The following EMX2 variants were observed in gnomAD, a reference collection of about 807,000 sequenced individuals.
The protein encoded by EMX2 is homeobox protein EMX2.
A neutral mutation model predicts 23.0 loss-of-function variants in EMX2; 6 were observed. That is an observed-to-expected ratio of 0.26 (90% confidence interval 0.14 to 0.52). The LOEUF (loss-of-function observed/expected upper bound fraction) is 0.52. Ranked by LOEUF, EMX2 falls within the 20% of genes least tolerant of loss-of-function variation. The pLI is 0.97. For missense variants in EMX2, 302 were observed against 341.4 expected (o/e 0.88, Z 0.91); for synonymous variants, 175 against 153.3 (o/e 1.14, Z -1.04).
Position 117,543,235 on chromosome 10 carries a change from T to C in EMX2, c.-33T>C, listed in dbSNP as rs1329575905. ...GCAGCGTGCGGCGGTCGCCAGGAGC[T>C]GGGAGCCCAGGGCGCCCGCTCCTCG... On this transcript the variant is annotated 5_prime_UTR_variant, in exon 1 of 3. Transcript: ENST00000553456. 2 of 1,312,590 alleles carry C rather than the reference T, an allele frequency of 1.5e-6. No homozygotes were observed. Among genetic ancestry groups the C allele is most frequent in the Non-Finnish European group, 2.0e-6 (2 of 1,005,066 alleles). The allele number at this position is 1,312,590 out of a possible 1,614,324, so 81.3% of individuals were successfully genotyped here.
intron 1 of EMX2, chr10:117,544,203 A>G (rs442996): frequency 0.029 from 5,265 of 178,856 alleles, 293 homozygotes; most frequent in African/African-American, 0.12. Context: ...CCCCGGGAGA[A>G]AAGTATGGGA....
rs1269974080 is a variant in EMX2 at position 117,543,681 on chromosome 10, C to T, written c.406+8C>T. On this transcript the variant is annotated splice_region_variant and intron_variant, in intron 1 of 2. Transcript: ENST00000553456. ...TGGGTCATCGCTTCCAAGGTACGTG[C>T]CACGTCGCGGAACTGCAGCGCGCCG... The T allele has an allele frequency of 6.2e-7, 1 of 1,613,344 alleles. No homozygotes were observed. The highest frequency in any genetic ancestry group is 1.1e-5 in the South Asian group (1 of 91,090).
chr10:117,547,057 A>G (rs1693582653), intron 2 of EMX2, among the ~76,000 whole-genome samples: 1 of 152,182 alleles, frequency 6.6e-6, no homozygotes, highest in African/African-American at 2.4e-5. Flanking sequence ...TTACCTGTAC[A>G]CCACTGCTGT....
At chr10:117,546,039 G>A (rs960911823) in intron 2 of EMX2, among the ~76,000 whole-genome samples, 2 of 152,234 alleles carry the variant, frequency 1.3e-5, no homozygotes, top group East Asian at 3.9e-4. Context: ...CTGGGGAAAC[G>A]CGCCGAGTTG....
In EMX2 at chr10:117,543,346, T is replaced by G. The variant is rs1846521921; in HGVS notation, c.79T>G (p.Ser27Ala). The G allele has an allele frequency of 6.4e-7, 1 of 1,559,722 alleles. No individual in the cohort carries two copies. The highest frequency in any genetic ancestry group is 1.4e-5 in the African/African-American group (1 of 73,332). The change falls in exon 1 of 3, where the codon TCC becomes GCC. Residue 27 changes from serine (S) to alanine (A), a missense_variant. Physicochemically the swap from Ser to Ala is moderately conservative, Grantham distance 99 (BLOSUM62 1). Coordinates refer to ENST00000553456, the MANE Select transcript of EMX2 (RefSeq NM_004098.4). Reference sequence around the variant, plus strand: ...GGACAGTCCCCTGCCCGCCTCGCGCTCCGAGGACCCCATCCGTCCCGCGGC... The same window carrying G: ...GGACAGTCCCCTGCCCGCCTCGCGCGCCGAGGACCCCATCCGTCCCGCGGC... ...AKDSPLPASR[S>A]EDPIRPAALS...
intron 1 of EMX2, among the ~76,000 whole-genome samples, chr10:117,544,061 G>C (rs1046711021): frequency 2.6e-5 from 4 of 152,238 alleles, no homozygotes; most frequent in Admixed American, 1.3e-4. Context: ...CGAGGGGCGC[G>C]GACAGGACTC....
rs755441779 is a variant in EMX2, at chr10:117,545,663, G to A, written c.438G>A (p.Leu146=). Residue 146 remains leucine, a synonymous_variant, in exon 2 of 3, where the codon TTG becomes TTA. Coordinates refer to ENST00000553456, the MANE Select transcript of EMX2 (RefSeq NM_004098.4). ...GNDTSPESFL[L]HNALARKPKR... is the part of the protein sequence containing the mutation. ...ACACTAGCCCCGAGAGTTTCCTTTT[G>A]CACAACGCGCTGGCCCGAAAGCCCA... 19 of 1,614,118 alleles carry A rather than the reference G, an allele frequency of 1.2e-5. No homozygotes were observed. The highest frequency in any genetic ancestry group is 1.6e-5 in the Non-Finnish European group (19 of 1,180,036).
In EMX2 at chr10:117,548,156, C is replaced by A; in HGVS notation, c.683C>A (p.Thr228Lys). 1.2e-6 allele frequency: 2 copies of A among 1,613,846 alleles called. No individual in the cohort carries two copies. Among genetic ancestry groups the A allele is most frequent in the Non-Finnish European group, 1.7e-6 (2 of 1,179,956 alleles). ...GATTCGCAACAAAAGAAAAAAGGGA[C>A]GCACCATATTAACCGGTGGAGAATC... is the stretch of plus-strand genomic sequence containing the variant. ...GSDSQQKKKG[T>K]HHINRWRIAT... The change falls in exon 3 of 3, where the codon ACG (threonine) becomes AAG (lysine). Residue 228 changes from threonine (T) to lysine (K), a missense_variant. Thr to Lys is a moderately conservative substitution (Grantham distance 78). Transcript: ENST00000553456.
intron 2 of EMX2, 43 bp from the exon 3 acceptor site, chr10:117,548,022 G>C: frequency 1.3e-6 from 2 of 1,578,638 alleles, no homozygotes; most frequent in Non-Finnish European, 1.7e-6. Context: ...ATAGAAGGGT[G>C]CTCTGAAAGA....
Position 117,543,607 on chromosome 10 carries a change from C to A in EMX2, c.340C>A (p.Arg114=), listed in dbSNP as rs759466646. ...ACACCCCCTATTCGCCTCGCAGCAG[C>A]GGGATCCGTCCACCTTCTACCCCTG... ...SPHPLFASQQ[R]DPSTFYPWLI... is the part of the protein sequence containing the mutation. The change falls in exon 1 of 3, where the codon CGG becomes AGG. Residue 114 remains arginine, a synonymous_variant. Transcript: ENST00000553456. 6.2e-7 allele frequency: 1 copy of A among 1,613,514 alleles called. No homozygotes were observed. Among genetic ancestry groups the A allele is most frequent in the African/African-American group, 1.3e-5 (1 of 75,008 alleles).
At position 117,548,800 on chromosome 10, in the gene EMX2, G is replaced by A; in HGVS notation, c.*568G>A. On this transcript the variant is annotated 3_prime_UTR_variant, in exon 3 of 3. Transcript: ENST00000553456. Reference sequence around the variant, plus strand: ...ATAAAAAACAAAAATTCCATATCTAGCCCCATCCCACACCTGTTTCAAATC... The same window carrying A: ...ATAAAAAACAAAAATTCCATATCTAACCCCATCCCACACCTGTTTCAAATC... The A allele has an allele frequency of 2.5e-6, 1 of 403,700 alleles. No individual in the cohort carries two copies. Among genetic ancestry groups the A allele is most frequent in the East Asian group, 3.5e-5 (1 of 28,230 alleles). The allele number at this position is 403,700 out of a possible 1,614,324, so 25.0% of individuals were successfully genotyped here.
At chr10:117,543,706 G>A (rs1351660215) in intron 1 of EMX2, 33 bp downstream of exon 1, 1 of 1,596,586 alleles carries the variant, frequency 6.3e-7, no homozygotes, top group African/African-American at 1.3e-5. Flanking sequence ...GCAGCGCGCC[G>A]CTCCCGCCGC....
chr10:117,543,450 G>A lies in EMX2; in HGVS notation c.183G>A (p.Arg61=), dbSNP rs1172441371. 1 of 1,607,772 alleles carries A rather than the reference G, an allele frequency of 6.2e-7. No individual in the cohort carries two copies. The highest frequency in any genetic ancestry group is 1.3e-5 in the African/African-American group (1 of 74,670). The change falls in exon 1 of 3, where the codon AGG becomes AGA. Residue 61 remains arginine (R), a synonymous_variant. Coordinates refer to ENST00000553456, the MANE Select transcript of EMX2 (RefSeq NM_004098.4). ...CGGCCGCCGCCGCCGCCGCCGGTAG[G>A]GGCGTCTACTCCAACCCGGACTTGG... The part of the protein sequence containing the change: ...FHSAAAAAAG[R]GVYSNPDLVF...
chr10:117,544,701 A>C (rs1445032148), intron 1 of EMX2: 7 of 152,272 alleles, frequency 4.6e-5, no homozygotes, highest in African/African-American at 9.6e-5. Flanking sequence ...AAAAAAACCC[A>C]AAAAGCCTTT....
In EMX2 at chr10:117,543,575, A is replaced by T. The variant is rs1254618541; in HGVS notation, c.308A>T (p.His103Leu). 3 of 1,583,858 alleles carry T rather than the reference A, an allele frequency of 1.9e-6. No homozygotes were observed. Among genetic ancestry groups the T allele is most frequent in the Non-Finnish European group, 2.6e-6 (3 of 1,170,178 alleles). ...GCCGCCCACCCCCTACCCTCCTCGCACTCGCCACACCCCCTATTCGCCTCG... is the reference window on the plus strand; with the variant it reads ...GCCGCCCACCCCCTACCCTCCTCGCTCTCGCCACACCCCCTATTCGCCTCG... ...ALAAHPLPSS[H>L]SPHPLFASQQ... is the part of the protein sequence containing the mutation. Residue 103 changes from histidine to leucine, a missense_variant, in exon 1 of 3, where the codon CAC (histidine) becomes CTC (leucine). Around this residue, in one of 4 missense-constraint regions of EMX2, gnomAD observed 221 missense variants for 206.8 expected, o/e 1.07. Transcript: ENST00000553456.
Position 117,548,918 on chromosome 10 carries a change from T to A in EMX2, c.*686T>A. 2.8e-6 allele frequency: 1 copy of A among 354,080 alleles called. No homozygotes were observed. The highest frequency in any genetic ancestry group is 5.0e-6 in the Non-Finnish European group (1 of 199,000). The allele number at this position is 354,080 out of a possible 1,614,324, so 21.9% of individuals were successfully genotyped here. ...TTTCCTTTTAAAGACAGGTTCTGTG[T>A]GCTTTTTATTTTGATTTTTTTTCCC... On this transcript the variant is annotated 3_prime_UTR_variant, in exon 3 of 3. Transcript: ENST00000553456.
intron 1 of EMX2, 126 bp downstream of exon 1, chr10:117,543,799 C>T (rs1589648272): frequency 4.7e-6 from 7 of 1,475,406 alleles, no homozygotes; most frequent in East Asian, 2.3e-5. Flanking sequence ...GGCCAGCGCG[C>T]CCTGTTGGGA....
intron 2 of EMX2, 30 bp downstream of exon 2, chr10:117,545,846 T>C (rs1050337715): frequency 6.2e-7 from 1 of 1,613,262 alleles, no homozygotes; most frequent in African/African-American, 1.3e-5. Flanking sequence ...GAGGAACCCA[T>C]CTAGGCGTGC....
At position 117,545,768 on chromosome 10, in the gene EMX2, C is replaced by T. The variant is rs1269145704; in HGVS notation, c.543C>T (p.Gly181=). ...TTGAGAAGAATCACTACGTGGTGGG[C>T]GCCGAAAGGAAGCAGCTGGCACACA... ...HAFEKNHYVV[G]AERKQLAHSL... The change falls in exon 2 of 3, where the codon GGC becomes GGT. Residue 181 remains glycine (G), a synonymous_variant. Coordinates refer to ENST00000553456, the MANE Select transcript of EMX2 (RefSeq NM_004098.4). The T allele has an allele frequency of 6.2e-7, 1 of 1,613,892 alleles. No homozygotes were observed. Among genetic ancestry groups the T allele is most frequent in the African/African-American group, 1.3e-5 (1 of 74,934 alleles).
Sources: allele counts gnomAD v4.1 joint callset (sites outside exome capture counted in the v4.1 genomes callset), GRCh38; gene constraint gnomAD v4.1.1; regional missense constraint gnomAD v4.1.1; transcripts MANE v1.5; gene names NCBI Gene and HGNC (gene_info 2026-07-23, HGNC 2026-07-21).